Variants in SND1 observed in about 807,000 individuals in gnomAD.
SND1 encodes the protein staphylococcal nuclease domain-containing protein 1.
Under a neutral mutation model 121.7 loss-of-function variants are expected in SND1, and 38 were observed. That is an observed-to-expected ratio of 0.31 (90% CI 0.24 to 0.41). The LOEUF (loss-of-function observed/expected upper bound fraction) is 0.41, where lower values mean the gene tolerates loss of function less well. SND1 is among the 10% of genes least tolerant of loss of function. The pLI is 1.00. For synonymous variants in SND1, 401 were observed against 447.4 expected, an observed-to-expected ratio of 0.90 and a Z score of 1.31; for missense variants, 868 against 1,184.6, an observed-to-expected ratio of 0.73 and a Z score of 3.92.
intron 12 of SND1, among the ~76,000 whole-genome samples, chr7:127,886,849 C>CAAAAAA (rs11413396): frequency 5.9e-5 from 7 of 118,366 alleles, no homozygotes; most frequent in East Asian, 2.8e-4. Context: ...CTTATTCTGG[C>CAAAAAA]AAAAAAAAAA....
At chr7:127,872,426 CTTCT>C (rs1416340697) in intron 12 of SND1, among the ~76,000 whole-genome samples, 1 of 152,094 alleles carries the variant, frequency 6.6e-6, no homozygotes, top group Non-Finnish European at 1.5e-5. Context: ...CTGTGTGTAA[CTTCT>C]TTCTTTTGTT....
At chr7:127,868,627 AG>A (rs2116695718) in intron 12 of SND1, among the ~76,000 whole-genome samples, 1 of 152,288 alleles carries the variant, frequency 6.6e-6, no homozygotes, top group Non-Finnish European at 1.5e-5. Context: ...GAGGTCCTTC[AG>A]GTCAAGTTAG....
At chr7:127,905,339 C>T (rs929063009) in intron 14 of SND1, among the ~76,000 whole-genome samples, 5 of 152,212 alleles carry the variant, frequency 3.3e-5, no homozygotes, top group Admixed American at 1.3e-4. Context: ...ATCAATGGCA[C>T]CAATATTTTA....
intron 10 of SND1, among the ~76,000 whole-genome samples, chr7:127,741,147 T>TA (rs1796874892): frequency 6.6e-6 from 1 of 152,006 alleles, no homozygotes; most frequent in Non-Finnish European, 1.5e-5. Context: ...GCCAGTAGTT[T>TA]CCTTAAGAGC....
chr7:127,795,772 C>T (rs1192852014), intron 10 of SND1, among the ~76,000 whole-genome samples: 1 of 152,104 alleles, frequency 6.6e-6, no homozygotes, highest in African/African-American at 2.4e-5. Context: ...TTTTCATTAG[C>T]AATTACAAAG....
Position 127,720,911 on chromosome 7 carries a change from A to T in SND1, c.1039-376A>T, listed in dbSNP as rs922792424. ...AAATCCAACCCTTGCCTCTTTTTCT[A>T]GATTCACATTGAGATTTTGATTTTA... On this transcript the variant is annotated intron_variant, in intron 9 of 23. Coordinates refer to ENST00000354725, the MANE Select transcript of SND1 (RefSeq NM_014390.4). 2.0e-5 allele frequency among the ~76,000 whole-genome samples: 3 copies of T among 152,258 alleles called. No individual in the cohort carries two copies. The East Asian group carries it at 5.8e-4, about 29-fold the overall frequency.
chr7:127,795,231 T>G (rs572141006), intron 10 of SND1, among the ~76,000 whole-genome samples: 15 of 152,334 alleles, frequency 9.8e-5, no homozygotes, highest in Non-Finnish European at 1.6e-4. Context: ...CCAAAGAGAT[T>G]TCATTCACCA....
At chr7:127,689,447 C>T (rs1795874543) in intron 2 of SND1, among the ~76,000 whole-genome samples, 1 of 152,162 alleles carries the variant, frequency 6.6e-6, no homozygotes, top group African/African-American at 2.4e-5. Flanking sequence ...AGTGTAGCCT[C>T]TAAGAAAGAA....
At chr7:128,007,802 C>A (rs971338694) in intron 16 of SND1, among the ~76,000 whole-genome samples, 5 of 152,268 alleles carry the variant, frequency 3.3e-5, no homozygotes, top group East Asian at 1.9e-4. Flanking sequence ...GTGAGTATGA[C>A]CCATTCAGTT....
At chr7:127,659,527 CTCTATTCCTCAACAAA>C (rs1260250502) in intron 1 of SND1, among the ~76,000 whole-genome samples, 2 of 152,226 alleles carry the variant, frequency 1.3e-5, no homozygotes, top group African/African-American at 2.4e-5. Context: ...ACCATCTCCT[CTCTATTCCTCAACAAA>C]TTTTGAGGCT....
chr7:128,024,390 CCTCT>C (rs999490225), intron 16 of SND1, among the ~76,000 whole-genome samples: 6 of 152,068 alleles, frequency 3.9e-5, no homozygotes, highest in African/African-American at 1.2e-4. Context: ...TATAAATGTT[CCTCT>C]CTCTCTTCTA....
chr7:127,786,828 G>A (rs1797822240), intron 10 of SND1, among the ~76,000 whole-genome samples: 1 of 152,128 alleles, frequency 6.6e-6, no homozygotes, highest in African/African-American at 2.4e-5. Flanking sequence ...ATTTTTAGTA[G>A]AGACGGGGTT....
At chr7:127,676,867 A>G (rs1411486740) in intron 1 of SND1, among the ~76,000 whole-genome samples, 2 of 152,032 alleles carry the variant, frequency 1.3e-5, no homozygotes, top group African/African-American at 4.8e-5. Flanking sequence ...TCAGCCTCCC[A>G]AGTAGCTGGG....
chr7:127,769,709 T>C (rs1160709883), intron 10 of SND1, among the ~76,000 whole-genome samples: 2 of 152,196 alleles, frequency 1.3e-5, no homozygotes, highest in African/African-American at 2.4e-5. Flanking sequence ...TATATGTGTA[T>C]ATATATAAAT....
At chr7:128,018,326 C>A in intron 16 of SND1, among the ~76,000 whole-genome samples, 1 of 152,212 alleles carries the variant, frequency 6.6e-6, no homozygotes, top group Non-Finnish European at 1.5e-5. Flanking sequence ...CTGGGTCCAA[C>A]CTTGGGCATT....
At chr7:127,991,214 C>T (rs143213807) in intron 16 of SND1, among the ~76,000 whole-genome samples, 158 bp downstream of exon 16, 276 of 152,306 alleles carry the variant, frequency 1.8e-3, no homozygotes, top group Non-Finnish European at 3.2e-3. Context: ...TTTCCCTGAG[C>T]GCTGCTTCAT....
Position 128,084,756 on chromosome 7 carries a change from C to T in SND1, c.2143C>T (p.Arg715Cys), listed in dbSNP as rs775537505. 20 of 1,609,662 alleles carry T rather than the reference C, an allele frequency of 1.2e-5. No homozygotes were observed. Among genetic ancestry groups the T allele is most frequent in the South Asian group, 3.3e-5 (3 of 90,302 alleles). ...GTTGGAGAAGCTGATGGAGAACATG[C>T]GCAATGACATTGCCAGTCACCCCCC... ...TQLEKLMENM[R>C]NDIASHPPVE... The change falls in exon 19 of 24, where the codon CGC becomes TGC. Residue 715 changes from arginine (R) to cysteine (C), a missense_variant. Arg to Cys is a radical substitution (Grantham distance 180). Coordinates refer to ENST00000354725, the MANE Select transcript of SND1 (RefSeq NM_014390.4).
intron 15 of SND1, among the ~76,000 whole-genome samples, chr7:127,967,107 C>A (rs186430709): frequency 6.6e-6 from 1 of 152,174 alleles, no homozygotes. Flanking sequence ...CTCAGTCAGT[C>A]ACCCTCGGTT....
intron 16 of SND1, among the ~76,000 whole-genome samples, chr7:128,066,363 A>T (rs993513351): frequency 6.6e-6 from 1 of 152,242 alleles, no homozygotes; most frequent in African/African-American, 2.4e-5. Flanking sequence ...TAGCACTCCA[A>T]TGCCAGAAAA....
Sources: gnomAD v4.1 joint callset for allele counts (sites outside exome capture counted in the v4.1 genomes callset) on GRCh38, gnomAD v4.1.1 for gene constraint, MANE v1.5 for transcripts, NCBI Gene and HGNC (gene_info 2026-07-23, HGNC 2026-07-21) for gene names.